Variants in BNC2 observed in about 807,000 individuals in gnomAD.
The protein encoded by BNC2 is zinc finger protein basonuclin-2.
BNC2 carries 20 observed loss-of-function variants against 76.3 expected under a neutral mutation model. That is an observed-to-expected ratio of 0.26 (90% CI 0.18 to 0.38). The LOEUF is 0.38. BNC2 is among the 10% of genes least tolerant of loss of function. The pLI, the probability that BNC2 is intolerant of heterozygous loss-of-function variation, is 1.00. For synonymous variants in BNC2, 582 were observed against 514.8 expected, an observed-to-expected ratio of 1.13 and a Z score of -1.77; for missense variants, 1,382 against 1,399.8, an observed-to-expected ratio of 0.99 and a Z score of 0.20.
At chr9:16,726,010 A>ACACG (rs1436545542) in intron 3 of BNC2, among the ~76,000 whole-genome samples, 1 of 151,858 alleles carries the variant, frequency 6.6e-6, no homozygotes, top group Non-Finnish European at 1.5e-5. Flanking sequence ...ACGCACACAC[A>ACACG]CACACACGAC....
chr9:16,476,946 G>A (rs1054414820), intron 5 of BNC2, among the ~76,000 whole-genome samples: 36 of 152,012 alleles, frequency 2.4e-4, no homozygotes, highest in African/African-American at 8.7e-4. Context: ...AGCAGGGAGG[G>A]TGTCAGAAGT....
At chr9:16,705,654 G>GA (rs1206335881) in intron 3 of BNC2, among the ~76,000 whole-genome samples, 2 of 110,336 alleles carry the variant, frequency 1.8e-5, no homozygotes, top group Non-Finnish European at 4.7e-5. Flanking sequence ...AGTGTGGCTT[G>GA]GGTTTTTTTT....
intron 1 of BNC2, among the ~76,000 whole-genome samples, chr9:16,864,460 G>A (rs1168629374): frequency 6.6e-6 from 1 of 152,128 alleles, no homozygotes. Context: ...CCCCTCAAAT[G>A]AAGTTTGGAT....
chr9:16,584,208 T>C (rs967357213), intron 3 of BNC2, among the ~76,000 whole-genome samples: 1 of 152,118 alleles, frequency 6.6e-6, no homozygotes, highest in African/African-American at 2.4e-5. Context: ...GGGGTGGGCA[T>C]GGGGATACCT....
intron 3 of BNC2, among the ~76,000 whole-genome samples, chr9:16,686,984 G>A (rs1470443730): frequency 6.6e-6 from 1 of 152,032 alleles, no homozygotes; most frequent in Non-Finnish European, 1.5e-5. Context: ...AGGCCAATGC[G>A]CGAGTCACTA....
Position 16,568,101 on chromosome 9 carries a change from C to A in BNC2, c.433+14882G>T, listed in dbSNP as rs953070627. 8.1e-4 allele frequency among the ~76,000 whole-genome samples: 123 copies of A among 152,092 alleles called. 2 individuals are homozygous for A. Among genetic ancestry groups the A allele is most frequent in the Admixed American group, 8.0e-3 (122 of 15,262 alleles). On this transcript the variant is annotated intron_variant, in intron 4 of 6. Transcript: ENST00000380672. Reference sequence around the variant, plus strand: ...ATTACAAGGCTAATTGTTTCGAGAACTCTGGGTCTCTTGCCTCAACTCCCT... The same window carrying A: ...ATTACAAGGCTAATTGTTTCGAGAAATCTGGGTCTCTTGCCTCAACTCCCT...
intron 5 of BNC2, among the ~76,000 whole-genome samples, chr9:16,464,057 G>A (rs372352134): frequency 9.3e-5 from 11 of 118,086 alleles, no homozygotes; most frequent in South Asian, 7.9e-4. Flanking sequence ...TTGTGCTACC[G>A]AACTCCAGCC....
intron 5 of BNC2, among the ~76,000 whole-genome samples, chr9:16,493,384 G>A (rs1306827875): frequency 6.6e-6 from 1 of 152,126 alleles, no homozygotes; most frequent in Non-Finnish European, 1.5e-5. Context: ...ATACAAAAAT[G>A]ATTTGAATTT....
At chr9:16,811,572 A>AAC (rs1171472178) in intron 1 of BNC2, among the ~76,000 whole-genome samples, 1 of 151,706 alleles carries the variant, frequency 6.6e-6, no homozygotes, top group Non-Finnish European at 1.5e-5. Context: ...AAAAAAAAAA[A>AAC]AAACAGTGTA....
intron 3 of BNC2, among the ~76,000 whole-genome samples, chr9:16,622,972 T>TTA (rs1820903848): frequency 6.6e-6 from 1 of 152,160 alleles, no homozygotes; most frequent in African/African-American, 2.4e-5. Context: ...GTTTTATAGG[T>TTA]TATACTGAAG....
chr9:16,780,566 G>C (rs1015043740), intron 1 of BNC2, among the ~76,000 whole-genome samples: 1 of 136,360 alleles, frequency 7.3e-6, no homozygotes, highest in African/African-American at 3.0e-5. Context: ...GCAAGACTCC[G>C]CCTTAAAAAA....
chr9:16,682,889 A>G (rs902733612), intron 3 of BNC2, among the ~76,000 whole-genome samples: 1 of 152,236 alleles, frequency 6.6e-6, no homozygotes, highest in African/African-American at 2.4e-5. Context: ...TGATAAAAGT[A>G]AAATATCAGC....
intron 3 of BNC2, among the ~76,000 whole-genome samples, chr9:16,608,777 T>C (rs1820455415): frequency 6.6e-6 from 1 of 152,190 alleles, no homozygotes; most frequent in African/African-American, 2.4e-5. Flanking sequence ...CAGTGAGATC[T>C]GAAAAATAGA....
intron 3 of BNC2, among the ~76,000 whole-genome samples, chr9:16,596,306 G>C (rs1350671824): frequency 3.3e-5 from 5 of 152,068 alleles, no homozygotes; most frequent in Non-Finnish European, 5.9e-5. Flanking sequence ...CTAATATACA[G>C]TATGAAATAT....
At chr9:16,704,818 G>C (rs1823617571) in intron 3 of BNC2, 1 of 152,416 alleles carries the variant, frequency 6.6e-6, no homozygotes, top group Non-Finnish European at 1.5e-5. Context: ...CCTTCGGGCA[G>C]ACAGCAGAAC....
rs1821885884 is a variant in BNC2, at chr9:16,654,901, G to A, written c.331-71816C>T. On this transcript the variant is annotated intron_variant, in intron 3 of 6. Coordinates refer to ENST00000380672, the MANE Select transcript of BNC2 (RefSeq NM_017637.6). ...TGGAGGTCTTGCACAAGTCTCTACT[G>A]TAACTGTTGCTGATGAAAATAAAAG... Among the ~76,000 whole-genome samples, 3 of 152,248 alleles carry A rather than the reference G, an allele frequency of 2.0e-5. No homozygotes were observed. The South Asian group carries it at 6.2e-4, about 32-fold the overall frequency.
chr9:16,668,998 C>T (rs935507594), intron 3 of BNC2, among the ~76,000 whole-genome samples: 1 of 152,030 alleles, frequency 6.6e-6, no homozygotes, highest in African/African-American at 2.4e-5. Flanking sequence ...ACAGACCCCA[C>T]CCCCCTCAAG....
intron 5 of BNC2, among the ~76,000 whole-genome samples, chr9:16,520,169 C>T (rs1382281809): frequency 6.6e-6 from 1 of 152,186 alleles, no homozygotes; most frequent in African/African-American, 2.4e-5. Context: ...TCCCGTGCTT[C>T]TTGATGGGAC....
In BNC2 at chr9:16,820,041, C is replaced by T. The variant is rs191745465; in HGVS notation, c.3+50605G>A. 3.5e-4 allele frequency among the ~76,000 whole-genome samples: 50 copies of T among 142,170 alleles called. No homozygotes were observed. The East Asian group carries it at 9.9e-3, about 28-fold the overall frequency. 93.3% of individuals were successfully genotyped at this position (142,170 alleles called of 152,430 possible). On this transcript the variant is annotated intron_variant, in intron 1 of 6. Transcript: ENST00000380672. ...TCAGGAGGCTGAGGCAGGAGAATCG[C>T]TTGTGCCCAGGAGGCAGAGGCTGCA...
Sources: gnomAD v4.1 joint callset for allele counts (sites outside exome capture counted in the v4.1 genomes callset) on GRCh38, gnomAD v4.1.1 for gene constraint, MANE v1.5 for transcripts, NCBI Gene and HGNC (gene_info 2026-07-23, HGNC 2026-07-21) for gene names.